ARG2: variants seen among roughly 807,000 people sequenced by gnomAD.
The protein encoded by ARG2 is arginase-2, mitochondrial.
Under a neutral mutation model 39.4 loss-of-function variants are expected in ARG2, and 21 were observed. That is an observed-to-expected ratio of 0.53 (90% CI 0.38 to 0.77). The LOEUF (loss-of-function observed/expected upper bound fraction) is 0.77. ARG2 is among the 30% of genes least tolerant of loss of function. The pLI is 0.00. For missense variants in ARG2, 378 were observed against 426.2 expected (o/e 0.89, Z 1.00); for synonymous variants, 150 against 156.7 (o/e 0.96, Z 0.32).
rs869215946 is a variant in ARG2, at chr14:67,642,793, C to CTTTTTTTTTTTTTTTTTTT, written c.362+439_362+457dup. The stretch of plus-strand genomic sequence containing the variant: ...CCCCTTTGGCATGTTACTACATTTT[C>CTTTTTTTTTTTTTTTTTTT]TTTTTTTTTTTTTTTTTTTTTTTTT... On this transcript the variant is annotated intron_variant, in intron 3 of 7. Transcript: ENST00000261783. Among the ~76,000 whole-genome samples the CTTTTTTTTTTTTTTTTTTT allele has an allele frequency of 1.4e-3, 104 of 75,554 alleles. 25 individuals are homozygous for CTTTTTTTTTTTTTTTTTTT. Among genetic ancestry groups the CTTTTTTTTTTTTTTTTTTT allele is most frequent in the African/African-American group, 5.2e-3 (94 of 18,250 alleles). 49.6% of individuals were successfully genotyped at this position (75,554 alleles called of 152,430 possible).
chr14:67,642,792 T>C (rs901998942), intron 3 of ARG2, among the ~76,000 whole-genome samples: 2 of 126,304 alleles, frequency 1.6e-5, no homozygotes, highest in African/African-American at 5.9e-5. Flanking sequence ...TACTACATTT[T>C]CTTTTTTTTT....
At chr14:67,633,597 G>C (rs1208782584) in intron 2 of ARG2, among the ~76,000 whole-genome samples, 1 of 151,952 alleles carries the variant, frequency 6.6e-6, no homozygotes, top group East Asian at 1.9e-4. Context: ...GCTTCCTGTG[G>C]CACTCTGCTT....
intron 2 of ARG2, among the ~76,000 whole-genome samples, chr14:67,629,582 A>C (rs1469702875): frequency 6.6e-6 from 1 of 152,212 alleles, no homozygotes; most frequent in Non-Finnish European, 1.5e-5. Flanking sequence ...TTGTTTTGCA[A>C]GATGAGTTCT....
chr14:67,651,415 C>G lies in ARG2; in HGVS notation c.*495C>G, dbSNP rs15493. ...GGCTGCGAAAGAATTTGTAGTAAAC[C>G]AGGCCTCCCAGGATGGCGAGCTCCA... is the stretch of plus-strand genomic sequence containing the variant. On this transcript the variant is annotated 3_prime_UTR_variant, in exon 8 of 8. Transcript: ENST00000261783. The G allele has an allele frequency of 1.2e-6, 2 of 1,613,896 alleles. No homozygotes were observed. The highest frequency in any genetic ancestry group is 1.7e-6 in the Non-Finnish European group (2 of 1,179,858).
At position 67,650,872 on chromosome 14, in the gene ARG2, T is replaced by C; in HGVS notation, c.1017T>C (p.Thr339=). ...GGHIVYDQLP[T]PSSPDESENQ... is the part of the protein sequence containing the mutation. ...ATATTGTCTATGACCAACTTCCTAC[T>C]CCCAGTTCACCAGATGAATCAGAAA... The change falls in exon 8 of 8, where the codon ACT becomes ACC. Residue 339 remains threonine, a synonymous_variant. Transcript: ENST00000261783. The C allele has an allele frequency of 3.1e-6, 5 of 1,614,146 alleles. No homozygotes were observed. Among genetic ancestry groups the C allele is most frequent in the South Asian group, 1.1e-5 (1 of 91,076 alleles).
chr14:67,631,956 C>T (rs2036923204), intron 2 of ARG2, among the ~76,000 whole-genome samples: 1 of 152,180 alleles, frequency 6.6e-6, no homozygotes, highest in African/African-American at 2.4e-5. Flanking sequence ...CTCACTACAA[C>T]CTCTACCTCA....
In ARG2 at chr14:67,625,402, G is replaced by C. The variant is rs184149075; in HGVS notation, c.184+4436G>C. 1.8e-3 allele frequency among the ~76,000 whole-genome samples: 279 copies of C among 152,290 alleles called. 1 individual carries two copies. The highest frequency in any genetic ancestry group is 1.7e-3 in the Non-Finnish European group (119 of 68,014). On this transcript the variant is annotated intron_variant, in intron 2 of 7. Coordinates refer to ENST00000261783, the MANE Select transcript of ARG2 (RefSeq NM_001172.4). ...AGCACTATTAAGAAAGTGGGGGCCA[G>C]GCACGGTGGCTCACGCCTGTAATCC...
chr14:67,631,209 C>T (rs1204245510), intron 2 of ARG2, among the ~76,000 whole-genome samples: 1 of 152,232 alleles, frequency 6.6e-6, no homozygotes, highest in African/African-American at 2.4e-5. Flanking sequence ...TCCTGGCTTT[C>T]TCATTGCCCT....
chr14:67,645,814 A>T lies in ARG2; in HGVS notation c.522+12A>T, dbSNP rs767425450. On this transcript the variant is annotated intron_variant, in intron 4 of 7. Coordinates refer to ENST00000261783, the MANE Select transcript of ARG2 (RefSeq NM_001172.4). Reference sequence around the variant, plus strand: ...AACTACAGGATAAGGTCAGTGGGCCAAAACGAAAAGAAAGGTGAATGGCTT... The same window carrying T: ...AACTACAGGATAAGGTCAGTGGGCCTAAACGAAAAGAAAGGTGAATGGCTT... The T allele has an allele frequency of 3.2e-5, 51 of 1,612,994 alleles. No individual in the cohort carries two copies. The highest frequency in any genetic ancestry group is 4.3e-5 in the Non-Finnish European group (51 of 1,179,454).
intron 2 of ARG2, among the ~76,000 whole-genome samples, chr14:67,640,161 T>C (rs1466586234): frequency 1.3e-5 from 2 of 152,192 alleles, no homozygotes; most frequent in African/African-American, 4.8e-5. Context: ...TTCACATTTT[T>C]ATCTTGGTTC....
intron 2 of ARG2, among the ~76,000 whole-genome samples, chr14:67,631,430 C>CTTTTTTTTTTT (rs1447220086): frequency 2.3e-5 from 3 of 128,490 alleles, no homozygotes; most frequent in East Asian, 2.3e-4. Flanking sequence ...TCCTTTCTTT[C>CTTTTTTTTTTT]TTTCTTTTTT....
At chr14:67,646,102 G>C (rs924667157) in intron 4 of ARG2, among the ~76,000 whole-genome samples, 9 of 152,232 alleles carry the variant, frequency 5.9e-5, no homozygotes, top group African/African-American at 2.2e-4. Context: ...CACTGATCTA[G>C]AAGACAAATA....
chr14:67,630,641 G>A (rs2036909381), intron 2 of ARG2, among the ~76,000 whole-genome samples: 1 of 152,132 alleles, frequency 6.6e-6, no homozygotes, highest in African/African-American at 2.4e-5. Context: ...GTGCAGTGGC[G>A]CGATCTTGGC....
Position 67,651,210 on chromosome 14 carries a change from G to C in ARG2, c.*290G>C. The C allele has an allele frequency of 7.8e-7, 1 of 1,284,250 alleles. No individual in the cohort carries two copies. Among genetic ancestry groups the C allele is most frequent in the Non-Finnish European group, 1.0e-6 (1 of 954,254 alleles). The allele number at this position is 1,284,250 out of a possible 1,614,324, so 79.6% of individuals were successfully genotyped here. ...ATATCATACTGGTCTTGTTGCTGTT[G>C]TTCCTTCACATTTAAGTGGTTTTTC... On this transcript the variant is annotated 3_prime_UTR_variant, in exon 8 of 8. Transcript: ENST00000261783.
At chr14:67,645,828 G>A in intron 4 of ARG2, 26 bp downstream of exon 4, 3 of 1,611,524 alleles carry the variant, frequency 1.9e-6, no homozygotes, top group Non-Finnish European at 1.7e-6. Flanking sequence ...CGAAAAGAAA[G>A]GTGAATGGCT....
At chr14:67,627,370 A>G (rs2036878033) in intron 2 of ARG2, among the ~76,000 whole-genome samples, 1 of 151,442 alleles carries the variant, frequency 6.6e-6, no homozygotes, top group Non-Finnish European at 1.5e-5. Flanking sequence ...ATACTTATGT[A>G]AGTTTTATGT....
Position 67,651,430 on chromosome 14 carries a change from G to A in ARG2, c.*510G>A. ...TGTAGTAAACCAGGCCTCCCAGGAT[G>A]GCGAGCTCCAGTAAGATGATAATGG... is the stretch of plus-strand genomic sequence containing the variant. On this transcript the variant is annotated 3_prime_UTR_variant, in exon 8 of 8. Transcript: ENST00000261783. 6.2e-7 allele frequency: 1 copy of A among 1,614,052 alleles called. No individual in the cohort carries two copies. The highest frequency in any genetic ancestry group is 8.5e-7 in the Non-Finnish European group (1 of 1,179,920).
At chr14:67,638,441 C>T (rs1372027162) in intron 2 of ARG2, among the ~76,000 whole-genome samples, 1 of 152,034 alleles carries the variant, frequency 6.6e-6, no homozygotes, top group African/African-American at 2.4e-5. Context: ...AGGTTTGGGA[C>T]CTCTGATATA....
chr14:67,633,689 G>A (rs995434667), intron 2 of ARG2, among the ~76,000 whole-genome samples: 15 of 152,148 alleles, frequency 9.9e-5, no homozygotes, highest in African/African-American at 1.4e-4. Flanking sequence ...TAGAAACCAC[G>A]GTTGTTCCCC....
Sources: gnomAD v4.1 joint callset for allele counts (sites outside exome capture counted in the v4.1 genomes callset) on GRCh38, gnomAD v4.1.1 for gene constraint, MANE v1.5 for transcripts, NCBI Gene and HGNC (gene_info 2026-07-23, HGNC 2026-07-21) for gene names.